The following SUSD4 variants were observed in gnomAD, a reference collection of about 807,000 sequenced individuals.
The protein encoded by SUSD4 is sushi domain-containing protein 4.
SUSD4 carries 41 observed loss-of-function variants against 50.5 expected under a neutral mutation model. The ratio of observed to expected loss-of-function variants is 0.81; its 90% CI spans 0.63 to 1.05. The LOEUF (loss-of-function observed/expected upper bound fraction) is 1.05. Among genes scored for constraint, SUSD4 ranks in the 50% least tolerant of loss-of-function variants. SUSD4 has a pLI of 0.00. For missense variants in SUSD4, 580 were observed against 634.7 expected (o/e 0.91, Z 0.93); for synonymous variants, 257 against 257.3 (o/e 1.00, Z 0.01).
intron 2 of SUSD4, among the ~76,000 whole-genome samples, chr1:223,333,304 G>A (rs1558258941): frequency 1.3e-5 from 2 of 151,978 alleles, no homozygotes; most frequent in African/African-American, 2.4e-5. Flanking sequence ...CTCTGCCTAC[G>A]TTTCCACACC....
At chr1:223,308,055 A>C (rs2103202995) in intron 2 of SUSD4, among the ~76,000 whole-genome samples, 1 of 152,350 alleles carries the variant, frequency 6.6e-6, no homozygotes, top group African/African-American at 2.4e-5. Flanking sequence ...ATTTATTTTA[A>C]ATACAAAGTG....
intron 5 of SUSD4, 80 bp downstream of exon 5, chr1:223,264,550 T>A: frequency 6.4e-7 from 1 of 1,565,436 alleles, no homozygotes. Context: ...CCATCATAAT[T>A]CACAGCTCTT....
intron 2 of SUSD4, among the ~76,000 whole-genome samples, chr1:223,317,142 G>C (rs190277160): frequency 6.6e-6 from 1 of 152,186 alleles, no homozygotes; most frequent in Admixed American, 6.5e-5. Context: ...CAAGATATAG[G>C]TCATAAAGAC....
chr1:223,251,660 C>A (rs1661320306), intron 5 of SUSD4, among the ~76,000 whole-genome samples: 1 of 152,132 alleles, frequency 6.6e-6, no homozygotes, highest in Non-Finnish European at 1.5e-5. Flanking sequence ...CATTGTTGGA[C>A]ATTTGGGTTG....
In SUSD4 at chr1:223,239,631, C is replaced by T. The variant is rs926081079; in HGVS notation, c.725-10243G>A. The stretch of plus-strand genomic sequence containing the variant: ...TGCCACTTCACAGGTAGTATGAGTA[C>T]CTTATAATTACAAAATGATACTAAT... On this transcript the variant is annotated intron_variant, in intron 5 of 8. Coordinates refer to ENST00000366878, the MANE Select transcript of SUSD4 (RefSeq NM_017982.4). Among the ~76,000 whole-genome samples, 6 of 151,930 alleles carry T rather than the reference C, an allele frequency of 3.9e-5. No homozygotes were observed. In the South Asian group the frequency reaches 1.2e-3, roughly 32 times the overall value.
At chr1:223,347,549 C>T (rs990586783) in intron 2 of SUSD4, among the ~76,000 whole-genome samples, 1 of 143,336 alleles carries the variant, frequency 7.0e-6, no homozygotes, top group Non-Finnish European at 1.5e-5. Flanking sequence ...CTAAATAAAT[C>T]CCAGCCCCTA....
chr1:223,260,331 G>A (rs1004163856), intron 5 of SUSD4, among the ~76,000 whole-genome samples: 2 of 152,212 alleles, frequency 1.3e-5, no homozygotes, highest in Non-Finnish European at 2.9e-5. Flanking sequence ...CCTAGCAGGT[G>A]TTCAATAGTC....
rs985827355 is a variant in SUSD4 at position 223,221,968 on chromosome 1, C to T, written c.*224G>A. ...CCACGCGAGGGCTTCCCTGCTGCCC[C>T]GGTTCCCCATGGGTCTTGGTGAATC... On this transcript the variant is annotated 3_prime_UTR_variant, in exon 9 of 9. Transcript: ENST00000366878. The T allele has an allele frequency of 6.7e-5, 34 of 505,324 alleles. No individual in the cohort carries two copies. The highest frequency in any genetic ancestry group is 1.1e-4 in the Admixed American group (3 of 27,026). The allele number at this position is 505,324 out of a possible 1,614,324, so 31.3% of individuals were successfully genotyped here. A position where few individuals can be genotyped will look rare whatever the true frequency, so the allele number is the denominator to read the frequency against.
At chr1:223,313,770 C>T (rs1231099049) in intron 2 of SUSD4, among the ~76,000 whole-genome samples, 2 of 152,128 alleles carry the variant, frequency 1.3e-5, no homozygotes, top group Admixed American at 6.5e-5. Context: ...TGAAAGTGAC[C>T]TCTGGTCATC....
rs985572850 is a variant in SUSD4, at chr1:223,231,510, G to T, written c.725-2122C>A. Among the ~76,000 whole-genome samples the T allele has an allele frequency of 2.0e-5, 3 of 152,220 alleles. No individual in the cohort carries two copies. The highest frequency in any genetic ancestry group is 2.0e-4 in the Admixed American group (3 of 15,288). On this transcript the variant is annotated intron_variant, in intron 5 of 8. Coordinates refer to ENST00000366878, the MANE Select transcript of SUSD4 (RefSeq NM_017982.4). The surrounding 1 kb of genome is among the most constrained non-coding windows in gnomAD (Gnocchi z 4.2). Reference sequence around the variant, plus strand: ...GGTCTCTCCTGGGCTGGCAAATGCAGTCACACAACCCCTTGCATTTCCACA... The same window carrying T: ...GGTCTCTCCTGGGCTGGCAAATGCATTCACACAACCCCTTGCATTTCCACA...
intron 2 of SUSD4, among the ~76,000 whole-genome samples, chr1:223,362,574 G>A (rs1669046057): frequency 2.0e-5 from 3 of 152,186 alleles, no homozygotes; most frequent in Non-Finnish European, 2.9e-5. Flanking sequence ...AGCCGCCCAC[G>A]GAGGCTGAGG....
intron 1 of SUSD4, chr1:223,363,752 T>C: frequency 3.8e-6 from 1 of 266,126 alleles, no homozygotes; most frequent in Non-Finnish European, 7.1e-6. Context: ...ATTCAGCAGC[T>C]GTGCCCACCA....
upstream of SUSD4, among the ~76,000 whole-genome samples, chr1:223,364,962 CCG>C (rs1669236197): frequency 6.6e-6 from 1 of 152,200 alleles, no homozygotes; most frequent in Admixed American, 6.5e-5. The surrounding 1 kb of genome is among the most constrained non-coding windows in gnomAD (Gnocchi z 4.5). Flanking sequence ...CCTCTGCCAG[CCG>C]CAGGTGTTGC....
rs1388622327 is a variant in SUSD4 at position 223,231,376 on chromosome 1, A to C, written c.725-1988T>G. Among the ~76,000 whole-genome samples, 2 of 152,064 alleles carry C rather than the reference A, an allele frequency of 1.3e-5. No individual in the cohort carries two copies. Among genetic ancestry groups the C allele is most frequent in the Non-Finnish European group, 2.9e-5 (2 of 67,996 alleles). On this transcript the variant is annotated intron_variant, in intron 5 of 8. Coordinates refer to ENST00000366878, the MANE Select transcript of SUSD4 (RefSeq NM_017982.4). This position sits in a 1 kb window ranked among gnomAD's most constrained non-coding sequence, Gnocchi z 4.2. ...TGGCAGGCCCAGGTGTGCTCAGTAA[A>C]TGGTGGCTGTCAGGTGGCTGCTGTG...
chr1:223,275,462 G>C (rs1187214728), intron 3 of SUSD4, among the ~76,000 whole-genome samples: 2 of 152,180 alleles, frequency 1.3e-5, no homozygotes, highest in Non-Finnish European at 2.9e-5. Context: ...TTTAAGGCCA[G>C]AGGTGAACTC....
At chr1:223,305,660 A>C (rs1169278933) in intron 2 of SUSD4, among the ~76,000 whole-genome samples, 1 of 152,226 alleles carries the variant, frequency 6.6e-6, no homozygotes, top group Non-Finnish European at 1.5e-5. Context: ...GGGAAATACA[A>C]CAAAAGAAAA....
At chr1:223,256,570 C>T (rs1186272669) in intron 5 of SUSD4, among the ~76,000 whole-genome samples, 1 of 152,172 alleles carries the variant, frequency 6.6e-6, no homozygotes, top group Non-Finnish European at 1.5e-5. Context: ...CTCTGTTAGC[C>T]AGCATTGGGG....
chr1:223,277,636 T>G (rs950691326), intron 3 of SUSD4, among the ~76,000 whole-genome samples: 1 of 152,148 alleles, frequency 6.6e-6, no homozygotes, highest in Non-Finnish European at 1.5e-5. Context: ...TTAAAAGTTC[T>G]GCAAGTGATC....
intron 2 of SUSD4, among the ~76,000 whole-genome samples, chr1:223,306,643 C>T (rs1427663217): frequency 6.6e-6 from 1 of 152,206 alleles, no homozygotes; most frequent in South Asian, 2.1e-4. Flanking sequence ...AGGTGTGTGC[C>T]ACCATGCCTG....
Sources: gnomAD v4.1 joint callset for allele counts (sites outside exome capture counted in the v4.1 genomes callset) on GRCh38, gnomAD v4.1.1 for gene constraint, Gnocchi (gnomAD v3.1) non-coding constraint, MANE v1.5 for transcripts, NCBI Gene and HGNC (gene_info 2026-07-23, HGNC 2026-07-21) for gene names.